FRY: variants seen among roughly 807,000 people sequenced by gnomAD.
FRY encodes protein furry homolog.
Under a neutral mutation model 348.4 loss-of-function variants are expected in FRY, and 128 were observed. The observed-to-expected ratio is 0.37, with a 90% CI of 0.32 to 0.43. The LOEUF is 0.43. Ranked by LOEUF, FRY falls within the 20% of genes least tolerant of loss-of-function variation. The probability of loss-of-function intolerance (pLI) is 1.00; values close to 1 mark genes in which losing one functional copy is unlikely to be tolerated. For synonymous variants in FRY, 1,370 were observed against 1,374.7 expected (o/e 1.00, Z 0.08); for missense variants, 2,736 against 3,695.2 (o/e 0.74, Z 6.73).
intron 1 of FRY, among the ~76,000 whole-genome samples, chr13:32,067,618 ATG>A (rs1566052806): frequency 6.6e-6 from 1 of 152,224 alleles, no homozygotes; most frequent in African/African-American, 2.4e-5. Context: ...TTTTGAACAA[ATG>A]ATGTTTTCAT....
At chr13:32,063,680 G>A (rs1285296662) in intron 1 of FRY, among the ~76,000 whole-genome samples, 1 of 152,094 alleles carries the variant, frequency 6.6e-6, no homozygotes, top group Non-Finnish European at 1.5e-5. Context: ...ATCCAGTAAC[G>A]GGCCAGAATC....
At chr13:32,074,093 A>C (rs924035257) in intron 1 of FRY, among the ~76,000 whole-genome samples, 1 of 152,224 alleles carries the variant, frequency 6.6e-6, no homozygotes, top group Non-Finnish European at 1.5e-5. Flanking sequence ...ATAGATATGC[A>C]GTCCGAAATA....
At chr13:32,238,976 G>A (rs1425153674) in intron 44 of FRY, among the ~76,000 whole-genome samples, 3 of 152,048 alleles carry the variant, frequency 2.0e-5, no homozygotes, top group East Asian at 1.9e-4. Flanking sequence ...TTCAATCTGC[G>A]CCAAAAACAT....
rs146850763 is a variant in FRY at position 32,098,095 on chromosome 13, C to T, written c.271-3868C>T. Among the ~76,000 whole-genome samples the T allele has an allele frequency of 3.9e-3, 590 of 152,192 alleles. 7 individuals are homozygous for T. Among genetic ancestry groups the T allele is most frequent in the African/African-American group, 0.013 (557 of 41,450 alleles). On this transcript the variant is annotated intron_variant, in intron 2 of 60. Coordinates refer to ENST00000542859, the MANE Select transcript of FRY (RefSeq NM_023037.3). ...AGCGAAATGCACATGGTGGTCTCAC[C>T]TACAAGCCTGAGGTTTCATCAAGAG...
At chr13:32,245,018 C>T (rs868824140) in intron 47 of FRY, among the ~76,000 whole-genome samples, 15 of 152,142 alleles carry the variant, frequency 9.9e-5, no homozygotes, top group South Asian at 6.2e-4. Context: ...GGCACAATCT[C>T]GGCTCACTGC....
At chr13:32,096,576 C>A (rs389740) in intron 2 of FRY, among the ~76,000 whole-genome samples, 99,514 of 151,722 alleles carry the variant, frequency 0.66, 32,956 homozygotes, top group Middle Eastern at 0.69. Flanking sequence ...GGATCACCTG[C>A]GGTCAGGGGT....
intron 56 of FRY, among the ~76,000 whole-genome samples, chr13:32,276,142 T>C (rs976022121): frequency 6.6e-6 from 1 of 152,220 alleles, no homozygotes; most frequent in Non-Finnish European, 1.5e-5. Flanking sequence ...TGGAGTATTA[T>C]TGGGTGATGA....
intron 23 of FRY, among the ~76,000 whole-genome samples, chr13:32,182,268 A>G (rs1882761683): frequency 6.6e-6 from 1 of 152,226 alleles, no homozygotes; most frequent in Non-Finnish European, 1.5e-5. Context: ...AGAAAGTGTA[A>G]TGTTGAGAAC....
At chr13:32,160,079 CTT>C (rs1881355850) in intron 16 of FRY, among the ~76,000 whole-genome samples, 1 of 152,120 alleles carries the variant, frequency 6.6e-6, no homozygotes, top group Non-Finnish European at 1.5e-5. Flanking sequence ...TCTTAACAAA[CTT>C]GTAAAAGCAC....
At position 32,289,654 on chromosome 13, in the gene FRY, T is replaced by C. The variant is rs754249499; in HGVS notation, c.8491T>C (p.Leu2831=). Residue 2831 remains leucine (L), a synonymous_variant, in exon 59 of 61, where the codon TTA becomes CTA. Coordinates refer to ENST00000542859, the MANE Select transcript of FRY (RefSeq NM_023037.3). ...EEKQLELCQR[L]YKLHFQLLLL... ...TTAGCAATTGGAACTGTGTCAGAGATTATATAAGCTACACTTCCAGCTGCT... is the reference window on the plus strand; with the variant it reads ...TTAGCAATTGGAACTGTGTCAGAGACTATATAAGCTACACTTCCAGCTGCT... 1.9e-5 allele frequency: 31 copies of C among 1,604,660 alleles called. No homozygotes were observed. The East Asian group carries it at 6.9e-4, about 36-fold the overall frequency.
At chr13:32,293,231 C>A (rs1889465560) in intron 59 of FRY, among the ~76,000 whole-genome samples, 3 of 152,064 alleles carry the variant, frequency 2.0e-5, no homozygotes, top group African/African-American at 7.2e-5. Flanking sequence ...TATATATACA[C>A]ACATAATGTT....
chr13:32,264,123 A>G (rs1233329467), intron 53 of FRY, among the ~76,000 whole-genome samples: 12 of 152,234 alleles, frequency 7.9e-5, no homozygotes, highest in Admixed American at 7.9e-4. Flanking sequence ...AGTGTTTGAT[A>G]AAGCTATGAT....
In FRY at chr13:32,131,550, T is replaced by C. The variant is rs912065031; in HGVS notation, c.717-122T>C. ...CCAAATCCTTACAAAATCATGGCTG[T>C]TGTACTTGAACTGATTTAAAGGATT... On this transcript the variant is annotated intron_variant, in intron 7 of 60. Coordinates refer to ENST00000542859, the MANE Select transcript of FRY (RefSeq NM_023037.3). 86 of 713,966 alleles carry C rather than the reference T, an allele frequency of 1.2e-4. No homozygotes were observed. In the Middle Eastern group the frequency reaches 1.5e-3, roughly 13 times the overall value. The allele number at this position is 713,966 out of a possible 1,614,324, so 44.2% of individuals were successfully genotyped here.
intron 10 of FRY, 124 bp from the exon 11 acceptor site, chr13:32,136,747 A>C (rs1382198320): frequency 1.3e-6 from 1 of 753,474 alleles, no homozygotes; most frequent in East Asian, 2.5e-5. Context: ...TGTGCTACAC[A>C]GTGTCCTGTT....
At chr13:32,085,984 C>G (rs181486989) in intron 2 of FRY, 154 of 518,942 alleles carry the variant, frequency 3.0e-4, no homozygotes, top group African/African-American at 2.5e-3. Context: ...ACTGTATTTC[C>G]AGCAAAATAC....
intron 46 of FRY, among the ~76,000 whole-genome samples, chr13:32,242,183 C>A (rs1284928677): frequency 1.3e-5 from 2 of 152,154 alleles, no homozygotes; most frequent in Non-Finnish European, 2.9e-5. Flanking sequence ...GAAATTTGAT[C>A]AAGTAATAAT....
Position 32,224,348 on chromosome 13 carries a change from C to T in FRY, c.4879C>T (p.Leu1627Phe). 4 of 1,614,048 alleles carry T rather than the reference C, an allele frequency of 2.5e-6. No individual in the cohort carries two copies. The highest frequency in any genetic ancestry group is 3.4e-6 in the Non-Finnish European group (4 of 1,179,974). ...ATGCTGGGCCCCCCTGGTTGACTATCTCCCGGAGACCATCACTCCCCGGGG... is the reference window on the plus strand; with the variant it reads ...ATGCTGGGCCCCCCTGGTTGACTATTTCCCGGAGACCATCACTCCCCGGGG... Reference protein sequence around the residue: ...GGCWAPLVDYLPETITPRGPL... With the variant: ...GGCWAPLVDYFPETITPRGPL... The change falls in exon 37 of 61, where the codon CTC (leucine) becomes TTC (phenylalanine). Residue 1627 changes from leucine to phenylalanine, a missense_variant. Coordinates refer to ENST00000542859, the MANE Select transcript of FRY (RefSeq NM_023037.3).
At chr13:32,285,949 A>G (rs1410352398) in intron 58 of FRY, among the ~76,000 whole-genome samples, 1 of 151,828 alleles carries the variant, frequency 6.6e-6, no homozygotes, top group Non-Finnish European at 1.5e-5. Flanking sequence ...TAGTCTCCAC[A>G]TCAGAGGCTT....
In FRY at chr13:32,131,744, G is replaced by A. The variant is rs368150336; in HGVS notation, c.789G>A (p.Val263=). Residue 263 remains valine, a synonymous_variant, in exon 8 of 61, where the codon GTG becomes GTA. Transcript: ENST00000542859. ...GGCACAAAGAGCAGAACCCATATGTGGTTCAAAGCATTATCAGCTTAATAA... is the reference window on the plus strand; with the variant it reads ...GGCACAAAGAGCAGAACCCATATGTAGTTCAAAGCATTATCAGCTTAATAA... ...ELRHKEQNPY[V]VQSIISLIMG... The A allele has an allele frequency of 6.2e-7, 1 of 1,613,484 alleles. No individual in the cohort carries two copies. Among genetic ancestry groups the A allele is most frequent in the Non-Finnish European group, 8.5e-7 (1 of 1,179,412 alleles).
Sources: gnomAD v4.1 joint callset for allele counts (sites outside exome capture counted in the v4.1 genomes callset) on GRCh38, gnomAD v4.1.1 for gene constraint, MANE v1.5 for transcripts, NCBI Gene and HGNC (gene_info 2026-07-23, HGNC 2026-07-21) for gene names.